Variants in SEZ6L observed in about 807,000 individuals in gnomAD.
SEZ6L encodes the protein seizure related 6 homolog like.
In SEZ6L, 37 loss-of-function variants were observed where a neutral mutation model predicts 106.2. The observed-to-expected ratio is 0.35, with a 90% CI of 0.27 to 0.46. The LOEUF is 0.46. Ranked by LOEUF, SEZ6L falls within the 20% of genes least tolerant of loss-of-function variation. The pLI is 1.00. For synonymous variants in SEZ6L, 541 were observed against 570.4 expected, an observed-to-expected ratio of 0.95 and a Z score of 0.73; for missense variants, 1,172 against 1,332.8, an observed-to-expected ratio of 0.88 and a Z score of 1.88.
intron 2 of SEZ6L, among the ~76,000 whole-genome samples, chr22:26,294,038 TATGAGA>T (rs1301752743): frequency 1.3e-5 from 2 of 152,188 alleles, no homozygotes; most frequent in African/African-American, 2.4e-5. Flanking sequence ...TATCAGTCCC[TATGAGA>T]ATAAGTGGGG....
chr22:26,289,451 C>G (rs1197704784), intron 1 of SEZ6L, among the ~76,000 whole-genome samples: 1 of 152,214 alleles, frequency 6.6e-6, no homozygotes, highest in Admixed American at 6.5e-5. Context: ...GGTTCAAGGA[C>G]TTGCCCAGAC....
At chr22:26,233,713 A>G (rs998244467) in intron 1 of SEZ6L, among the ~76,000 whole-genome samples, 1 of 152,196 alleles carries the variant, frequency 6.6e-6, no homozygotes, top group Non-Finnish European at 1.5e-5. Context: ...AACACAGATG[A>G]CAAACAAGTA....
chr22:26,250,773 A>T (rs569724032), intron 1 of SEZ6L, among the ~76,000 whole-genome samples: 111 of 152,146 alleles, frequency 7.3e-4, no homozygotes, highest in Non-Finnish European at 1.3e-3. Context: ...CACAATATTA[A>T]TTATTTCAAT....
intron 12 of SEZ6L, among the ~76,000 whole-genome samples, chr22:26,352,946 C>T (rs776025826): frequency 9.2e-5 from 14 of 152,208 alleles, no homozygotes; most frequent in Non-Finnish European, 1.8e-4. Context: ...TCTACAGATC[C>T]CAAAAGAATG....
intron 1 of SEZ6L, among the ~76,000 whole-genome samples, chr22:26,236,433 A>G (rs1196813222): frequency 6.6e-6 from 1 of 152,008 alleles, no homozygotes; most frequent in East Asian, 1.9e-4. Flanking sequence ...CTTATTTTTT[A>G]TTCCATTTAT....
At chr22:26,257,585 T>C (rs2079865160) in intron 1 of SEZ6L, among the ~76,000 whole-genome samples, 1 of 152,222 alleles carries the variant, frequency 6.6e-6, no homozygotes, top group South Asian at 2.1e-4. Context: ...AGTAAAATTA[T>C]AAGGACTTCT....
At chr22:26,330,452 A>G (rs1409874577) in intron 9 of SEZ6L, among the ~76,000 whole-genome samples, 1 of 152,232 alleles carries the variant, frequency 6.6e-6, no homozygotes, top group East Asian at 1.9e-4. Context: ...CAGGGTGGAC[A>G]GAGGGATCCT....
chr22:26,255,877 A>AGCAGACAGCCATGTAGGGCAGACG (rs1359386318), intron 1 of SEZ6L, among the ~76,000 whole-genome samples: 2 of 152,240 alleles, frequency 1.3e-5, no homozygotes, highest in African/African-American at 4.8e-5. Context: ...TAGGGCAGAC[A>AGCAGACAGCCATGTAGGGCAGACG]AGCAGCCATC....
chr22:26,381,001 T>C lies in SEZ6L; in HGVS notation c.*706T>C, dbSNP rs189670414. The C allele has an allele frequency of 6.6e-6, 1 of 152,106 alleles. No individual in the cohort carries two copies. Among genetic ancestry groups the C allele is most frequent in the African/African-American group, 2.4e-5 (1 of 41,472 alleles). 9.4% of individuals were successfully genotyped at this position (152,106 alleles called of 1,614,324 possible). The stretch of plus-strand genomic sequence containing the variant: ...AATTTTTCAGAGACAAATGAGAGAT[T>C]TGAGAGTTCCAATGAAGAATTGGGT... On this transcript the variant is annotated 3_prime_UTR_variant, in exon 17 of 17. Coordinates refer to ENST00000248933, the MANE Select transcript of SEZ6L (RefSeq NM_021115.5).
Position 26,255,259 on chromosome 22 carries a change from G to A in SEZ6L, c.95-37147G>A, listed in dbSNP as rs572741385. ...GCATCTTAAGACTTATCCGTCTAAGGCCCAGGCATCTGCATTTACAAACTT... is the reference window on the plus strand; with the variant it reads ...GCATCTTAAGACTTATCCGTCTAAGACCCAGGCATCTGCATTTACAAACTT... On this transcript the variant is annotated intron_variant, in intron 1 of 16. Coordinates refer to ENST00000248933, the MANE Select transcript of SEZ6L (RefSeq NM_021115.5). Among the ~76,000 whole-genome samples, 6 of 152,222 alleles carry A rather than the reference G, an allele frequency of 3.9e-5. No individual in the cohort carries two copies. The South Asian group carries it at 1.2e-3, about 32-fold the overall frequency.
chr22:26,220,563 G>T (rs895760857), intron 1 of SEZ6L, among the ~76,000 whole-genome samples: 3 of 152,168 alleles, frequency 2.0e-5, no homozygotes, highest in Admixed American at 6.5e-5. Context: ...GGTGAAGCAG[G>T]TCTCATTGCC....
At chr22:26,245,255 C>T (rs1468462088) in intron 1 of SEZ6L, among the ~76,000 whole-genome samples, 1 of 152,150 alleles carries the variant, frequency 6.6e-6, no homozygotes, top group Non-Finnish European at 1.5e-5. Flanking sequence ...TCCCCAGGCA[C>T]CATTCCTGTG....
intron 13 of SEZ6L, among the ~76,000 whole-genome samples, chr22:26,369,138 T>C (rs2083916310): frequency 6.6e-6 from 1 of 151,832 alleles, no homozygotes; most frequent in Non-Finnish European, 1.5e-5. Context: ...TTTCCAAACA[T>C]AAACGGAGTC....
At chr22:26,327,420 CACGCACAAACCACACA>C (rs2082348054) in intron 9 of SEZ6L, among the ~76,000 whole-genome samples, 3 of 120,634 alleles carry the variant, frequency 2.5e-5, no homozygotes, top group South Asian at 2.6e-4. Context: ...CACACACACA[CACGCACAAACCACACA>C]TATGACACTA....
chr22:26,356,524 C>G, intron 12 of SEZ6L, among the ~76,000 whole-genome samples: 1 of 151,904 alleles, frequency 6.6e-6, no homozygotes, highest in Non-Finnish European at 1.5e-5. Flanking sequence ...TGCCTGTAAT[C>G]CCAGCTACCT....
At chr22:26,320,362 A>G (rs1205905414) in intron 9 of SEZ6L, among the ~76,000 whole-genome samples, 1 of 152,216 alleles carries the variant, frequency 6.6e-6, no homozygotes, top group Admixed American at 6.5e-5. Context: ...AATGGGGCCA[A>G]TAAGGGGGGG....
At chr22:26,268,344 G>A (rs1156404473) in intron 1 of SEZ6L, among the ~76,000 whole-genome samples, 1 of 152,200 alleles carries the variant, frequency 6.6e-6, no homozygotes, top group Non-Finnish European at 1.5e-5. Flanking sequence ...GAGGCATCTT[G>A]TTTAGCCTAG....
chr22:26,170,611 C>T (rs1488266421), intron 1 of SEZ6L, among the ~76,000 whole-genome samples: 1 of 152,000 alleles, frequency 6.6e-6, no homozygotes, highest in African/African-American at 2.4e-5. Context: ...CGGTAAGGTA[C>T]CCCAGGAAAA....
intron 9 of SEZ6L, among the ~76,000 whole-genome samples, chr22:26,335,827 CT>C (rs1349924232): frequency 4.6e-5 from 7 of 152,166 alleles, no homozygotes; most frequent in Admixed American, 4.6e-4. Flanking sequence ...AATCCAGCTA[CT>C]GTTATCCAAG....
Sources: gnomAD v4.1 joint callset for allele counts (sites outside exome capture counted in the v4.1 genomes callset) on GRCh38, gnomAD v4.1.1 for gene constraint, MANE v1.5 for transcripts, NCBI Gene and HGNC (gene_info 2026-07-23, HGNC 2026-07-21) for gene names.